PHC3: variants seen among roughly 807,000 people sequenced by gnomAD.
PHC3 encodes polyhomeotic homolog 3, also known as polyhomeotic-like protein 3.
PHC3 carries 13 observed loss-of-function variants against 107.4 expected under a neutral mutation model. The observed-to-expected ratio is 0.12, with a 90% CI of 0.08 to 0.19. The LOEUF is 0.19. Ranked by LOEUF, PHC3 falls within the 10% of genes least tolerant of loss-of-function variation. The pLI is 1.00. For synonymous variants in PHC3, 456 were observed against 427.4 expected, an observed-to-expected ratio of 1.07 and a Z score of -0.83; for missense variants, 992 against 1,210.9, an observed-to-expected ratio of 0.82 and a Z score of 2.68.
intron 10 of PHC3, 186 bp downstream of exon 10, chr3:170,117,040 T>G (rs1320544234): frequency 2.7e-6 from 2 of 747,182 alleles, no homozygotes; most frequent in Non-Finnish European, 4.1e-6. Context: ...GCATCTAAAC[T>G]TAGCTGGCAT....
chr3:170,111,592 C>A (rs768287814), intron 11 of PHC3, among the ~76,000 whole-genome samples: 3 of 152,096 alleles, frequency 2.0e-5, no homozygotes, highest in African/African-American at 7.2e-5. Flanking sequence ...ATTTATTATA[C>A]GATTCTAATG....
chr3:170,141,179 CAA>C (rs1724041557), intron 6 of PHC3, among the ~76,000 whole-genome samples: 1 of 152,086 alleles, frequency 6.6e-6, no homozygotes, highest in South Asian at 2.1e-4. Context: ...TAAAACTCAA[CAA>C]AGTTATGCAG....
chr3:170,162,011 C>T (rs1462394052), intron 4 of PHC3, among the ~76,000 whole-genome samples: 3 of 152,126 alleles, frequency 2.0e-5, no homozygotes, highest in African/African-American at 7.2e-5. Flanking sequence ...GATACAGATC[C>T]AAGGATATCT....
intron 11 of PHC3, among the ~76,000 whole-genome samples, chr3:170,111,289 G>T (rs529190581): frequency 7.3e-6 from 1 of 136,804 alleles, no homozygotes; most frequent in African/African-American, 2.7e-5. Context: ...AAGGAAGGAA[G>T]GAAGGAAGGA....
At chr3:170,174,306 C>T (rs989386777) in intron 2 of PHC3, among the ~76,000 whole-genome samples, 1 of 152,072 alleles carries the variant, frequency 6.6e-6, no homozygotes, top group Non-Finnish European at 1.5e-5. Context: ...CCTTGTTTTG[C>T]TTCAACATTG....
At chr3:170,127,504 T>G (rs941648722) in intron 8 of PHC3, among the ~76,000 whole-genome samples, 4 of 120,550 alleles carry the variant, frequency 3.3e-5, no homozygotes, top group African/African-American at 1.2e-4. Context: ...GAAGGTATAA[T>G]TCAATCTCTG....
intron 7 of PHC3, among the ~76,000 whole-genome samples, chr3:170,133,446 G>A (rs1313240540): frequency 6.6e-6 from 1 of 151,998 alleles, no homozygotes; most frequent in African/African-American, 2.4e-5. Context: ...CAAAGTGCTG[G>A]GATTACAGGC....
chr3:170,111,219 C>G (rs192840957), intron 11 of PHC3, among the ~76,000 whole-genome samples: 11 of 150,982 alleles, frequency 7.3e-5, no homozygotes, highest in Admixed American at 6.0e-4. Context: ...GAGAGGCACA[C>G]TGACGTATGT....
chr3:170,175,175 T>C (rs192355532), intron 2 of PHC3, among the ~76,000 whole-genome samples: 1 of 152,276 alleles, frequency 6.6e-6, no homozygotes, highest in Non-Finnish European at 1.5e-5. Context: ...AAGAATTACT[T>C]AGGTAGTTCA....
intron 4 of PHC3, among the ~76,000 whole-genome samples, chr3:170,168,710 C>A (rs1334484698): frequency 1.4e-5 from 2 of 142,550 alleles, no homozygotes; most frequent in Admixed American, 7.3e-5. Flanking sequence ...GCCGAGATCA[C>A]GCCACTGCAC....
At position 170,096,090 on chromosome 3, in the gene PHC3, A is replaced by C. The variant is rs1440263882; in HGVS notation, c.*1140T>G. 1 of 152,226 alleles carries C rather than the reference A, an allele frequency of 6.6e-6. No homozygotes were observed. Among genetic ancestry groups the C allele is most frequent in the Non-Finnish European group, 1.5e-5 (1 of 68,040 alleles). The allele number at this position is 152,226 out of a possible 1,614,324, so 9.4% of individuals were successfully genotyped here. A position where few individuals can be genotyped will look rare whatever the true frequency, so the allele number is the denominator to read the frequency against. ...TCATATTATGTCTTCGTCAGTGCAG[A>C]GGAGCACAGAGGTATGAAAGATAAT... On this transcript the variant is annotated 3_prime_UTR_variant, in exon 15 of 15. Transcript: ENST00000495893.
At chr3:170,150,859 ACT>A (rs1725835967) in intron 4 of PHC3, 1 of 203,746 alleles carries the variant, frequency 4.9e-6, no homozygotes, top group Non-Finnish European at 1.0e-5. Flanking sequence ...GAAAAAGCAT[ACT>A]CTTTTTTTTA....
At chr3:170,167,013 C>T (rs879445173) in intron 4 of PHC3, among the ~76,000 whole-genome samples, 6 of 152,192 alleles carry the variant, frequency 3.9e-5, no homozygotes, top group Admixed American at 3.9e-4. Flanking sequence ...AAAAGAGTTG[C>T]ACCAATCTAT....
chr3:170,114,659 T>C (rs1051219292), intron 10 of PHC3, among the ~76,000 whole-genome samples: 2 of 152,342 alleles, frequency 1.3e-5, no homozygotes, highest in Admixed American at 6.5e-5. Context: ...AACTCAGGAA[T>C]ACTACCTATT....
intron 12 of PHC3, among the ~76,000 whole-genome samples, chr3:170,106,383 C>T: frequency 6.6e-6 from 1 of 152,048 alleles, no homozygotes; most frequent in Admixed American, 6.6e-5. Context: ...ATGATTCAAA[C>T]AAATGAAAAC....
chr3:170,134,873 G>A (rs1722811120), intron 7 of PHC3, among the ~76,000 whole-genome samples: 1 of 152,136 alleles, frequency 6.6e-6, no homozygotes. Flanking sequence ...AACTATAAAG[G>A]AAAGAGAACC....
intron 6 of PHC3, among the ~76,000 whole-genome samples, chr3:170,138,676 CA>C (rs1723538562): frequency 9.4e-6 from 1 of 106,066 alleles, no homozygotes; most frequent in African/African-American, 3.9e-5. Context: ...GGCAACAGAG[CA>C]AGACTCTGTC....
At chr3:170,144,178 A>G (rs957688100) in intron 6 of PHC3, among the ~76,000 whole-genome samples, 8 of 151,234 alleles carry the variant, frequency 5.3e-5, no homozygotes, top group African/African-American at 1.9e-4. Flanking sequence ...AAAAAAAAGA[A>G]AAAAGAAAAA....
At chr3:170,178,303 C>T (rs960853058) in intron 2 of PHC3, among the ~76,000 whole-genome samples, 4 of 151,962 alleles carry the variant, frequency 2.6e-5, no homozygotes, top group African/African-American at 9.7e-5. Flanking sequence ...GCCACTGCGC[C>T]CGGCTAATTT....
Sources: gnomAD v4.1 joint callset for allele counts (sites outside exome capture counted in the v4.1 genomes callset) on GRCh38, gnomAD v4.1.1 for gene constraint, MANE v1.5 for transcripts, NCBI Gene and HGNC (gene_info 2026-07-23, HGNC 2026-07-21) for gene names.